SBF2: variants seen among roughly 807,000 people sequenced by gnomAD.
SBF2 encodes the protein myotubularin-related protein 13.
SBF2 carries 112 observed loss-of-function variants against 225.2 expected under a neutral mutation model. The ratio of observed to expected loss-of-function variants is 0.50; its 90% CI spans 0.43 to 0.58. SBF2 has a LOEUF of 0.58. SBF2 is among the 20% of genes least tolerant of loss of function. The pLI is 0.00. For synonymous variants in SBF2, 763 were observed against 773.3 expected (o/e 0.99, Z 0.22); for missense variants, 1,996 against 2,206.2 (o/e 0.90, Z 1.91).
intron 16 of SBF2, among the ~76,000 whole-genome samples, chr11:9,914,941 T>C (rs2134200398): frequency 6.6e-6 from 1 of 151,334 alleles, no homozygotes; most frequent in South Asian, 2.1e-4. Context: ...GGGCAGGTGG[T>C]ATACAGAAAA....
At chr11:9,893,944 C>T (rs1351364935) in intron 17 of SBF2, among the ~76,000 whole-genome samples, 1 of 152,184 alleles carries the variant, frequency 6.6e-6, no homozygotes, top group Non-Finnish European at 1.5e-5. Flanking sequence ...TACTTAATAA[C>T]TCCTTATATT....
At position 10,133,654 on chromosome 11, in the gene SBF2, C is replaced by T. The variant is rs902876668; in HGVS notation, c.141+60248G>A. 5.3e-5 allele frequency among the ~76,000 whole-genome samples: 8 copies of T among 150,218 alleles called. 1 individual carries two copies. The highest frequency in any genetic ancestry group is 2.1e-4 in the South Asian group (1 of 4,708). On this transcript the variant is annotated intron_variant, in intron 2 of 39. Coordinates refer to ENST00000256190, the MANE Select transcript of SBF2 (RefSeq NM_030962.4). ...GGAACTCCAGCTGGCCCGCAAGTGCCGCACACAGCCCCGGTTCCCGCTCAT... is the reference window on the plus strand; with the variant it reads ...GGAACTCCAGCTGGCCCGCAAGTGCTGCACACAGCCCCGGTTCCCGCTCAT...
intron 17 of SBF2, among the ~76,000 whole-genome samples, chr11:9,861,619 G>C (rs1224214623): frequency 1.3e-5 from 2 of 148,740 alleles, no homozygotes; most frequent in East Asian, 4.0e-4. Context: ...AGCTGAGATC[G>C]CGCCACTGTA....
intron 2 of SBF2, among the ~76,000 whole-genome samples, chr11:10,088,932 T>C (rs1461885146): frequency 6.6e-6 from 1 of 152,228 alleles, no homozygotes; most frequent in Non-Finnish European, 1.5e-5. Flanking sequence ...CATATAGTGG[T>C]TGTTCAATAA....
intron 16 of SBF2, chr11:9,960,663 A>G (rs893979330): frequency 6.6e-6 from 1 of 151,702 alleles, no homozygotes; most frequent in African/African-American, 2.4e-5. Flanking sequence ...CTTAAATAAT[A>G]ATAATTATTA....
chr11:10,077,187 T>C (rs944749018), intron 2 of SBF2, among the ~76,000 whole-genome samples: 8 of 152,180 alleles, frequency 5.3e-5, no homozygotes, highest in East Asian at 1.9e-4. Flanking sequence ...TCCATGCTCA[T>C]GGATAGGAAG....
Position 10,180,681 on chromosome 11 carries a change from C to T in SBF2, c.141+13221G>A, listed in dbSNP as rs1018004360. On this transcript the variant is annotated intron_variant, in intron 2 of 39. Coordinates refer to ENST00000256190, the MANE Select transcript of SBF2 (RefSeq NM_030962.4). ...ACTTTCTACCCCTATCTCTCTCTAC[C>T]TCCTCTTTAAGGCCAATAACTCTTA... is the stretch of plus-strand genomic sequence containing the variant. Among the ~76,000 whole-genome samples, 99 of 152,232 alleles carry T rather than the reference C, an allele frequency of 6.5e-4. 1 individual carries two copies. The highest frequency in any genetic ancestry group is 2.8e-4 in the Non-Finnish European group (19 of 67,968).
chr11:10,155,801 A>G (rs73412899), intron 2 of SBF2, among the ~76,000 whole-genome samples: 13,761 of 152,304 alleles, frequency 0.09, 857 homozygotes, highest in East Asian at 0.28. Flanking sequence ...ACTTTATACT[A>G]TTTGTATCTT....
At chr11:10,068,303 T>C (rs1213099393) in intron 2 of SBF2, among the ~76,000 whole-genome samples, 1 of 152,226 alleles carries the variant, frequency 6.6e-6, no homozygotes, top group East Asian at 1.9e-4. Context: ...ATCCTCATTT[T>C]GGTCAGTTTG....
At chr11:10,001,469 G>T (rs1470788581) in intron 7 of SBF2, among the ~76,000 whole-genome samples, 1 of 85,818 alleles carries the variant, frequency 1.2e-5, no homozygotes, top group South Asian at 3.9e-4. Context: ...CAAAAAAAAG[G>T]GGGGGGCCAA....
chr11:10,031,934 G>T (rs1368320056), intron 3 of SBF2, among the ~76,000 whole-genome samples: 3 of 152,062 alleles, frequency 2.0e-5, no homozygotes, highest in Non-Finnish European at 4.4e-5. Context: ...TAGAGGCAGG[G>T]TCTCCCTATG....
At chr11:9,794,315 T>C (rs1307237949) in intron 33 of SBF2, among the ~76,000 whole-genome samples, 1 of 152,072 alleles carries the variant, frequency 6.6e-6, no homozygotes, top group East Asian at 1.9e-4. Context: ...TATTTGTACA[T>C]GTTGTTCCTT....
At chr11:10,046,154 C>T (rs375040519) in intron 2 of SBF2, among the ~76,000 whole-genome samples, 1 of 152,044 alleles carries the variant, frequency 6.6e-6, no homozygotes, top group Non-Finnish European at 1.5e-5. Context: ...TGAACATCCT[C>T]GGATTTTGGT....
At chr11:10,269,658 T>C (rs1303088898) in intron 1 of SBF2, among the ~76,000 whole-genome samples, 2 of 152,232 alleles carry the variant, frequency 1.3e-5, no homozygotes, top group African/African-American at 4.8e-5. Context: ...TCCAATTTTA[T>C]GAATGCAGAA....
chr11:9,961,391 A>G (rs1194741614), intron 16 of SBF2: 1 of 152,472 alleles, frequency 6.6e-6, no homozygotes, highest in Non-Finnish European at 1.5e-5. Context: ...CCAATGTCAT[A>G]GACTCTCTAA....
chr11:9,793,047 G>A (rs1852863028), intron 33 of SBF2, among the ~76,000 whole-genome samples: 1 of 151,262 alleles, frequency 6.6e-6, no homozygotes, highest in South Asian at 2.1e-4. Flanking sequence ...CAAAGTGCTA[G>A]GATTATAGGT....
intron 1 of SBF2, among the ~76,000 whole-genome samples, chr11:10,205,737 T>C (rs1248211069): frequency 2.6e-5 from 4 of 151,982 alleles, no homozygotes; most frequent in Admixed American, 2.6e-4. Context: ...CAAAGGCAGA[T>C]ACCATGTGAG....
chr11:9,962,191 G>T, intron 15 of SBF2, 85 bp from the exon 16 acceptor site: 2 of 1,175,402 alleles, frequency 1.7e-6, no homozygotes, highest in Middle Eastern at 1.9e-4. Context: ...AAATTCAAAC[G>T]CATCCTATAA....
At chr11:10,172,371 G>C (rs942821363) in intron 2 of SBF2, among the ~76,000 whole-genome samples, 1 of 148,930 alleles carries the variant, frequency 6.7e-6, no homozygotes, top group African/African-American at 2.5e-5. Flanking sequence ...TTTTTTTTTT[G>C]AGAAGGAGTC....
Sources: allele counts gnomAD v4.1 joint callset (sites outside exome capture counted in the v4.1 genomes callset), GRCh38; gene constraint gnomAD v4.1.1; transcripts MANE v1.5; gene names NCBI Gene and HGNC (gene_info 2026-07-23, HGNC 2026-07-21).